Variants in FAM53B observed in about 807,000 individuals in gnomAD.
FAM53B encodes the protein protein FAM53B.
A neutral mutation model predicts 32.7 loss-of-function variants in FAM53B; 12 were observed. The ratio of observed to expected loss-of-function variants is 0.37; its 90% CI spans 0.24 to 0.59. FAM53B has a LOEUF of 0.59. Ranked by LOEUF, FAM53B falls within the 20% of genes least tolerant of loss-of-function variation. The probability of loss-of-function intolerance (pLI) is 0.72; values close to 1 mark genes in which losing one functional copy is unlikely to be tolerated. For synonymous variants in FAM53B, 234 were observed against 228.7 expected, an observed-to-expected ratio of 1.02 and a Z score of -0.21; for missense variants, 477 against 577.7, an observed-to-expected ratio of 0.83 and a Z score of 1.79.
chr10:124,723,161 C>T (rs1950079971), intron 1 of FAM53B, among the ~76,000 whole-genome samples: 2 of 152,216 alleles, frequency 1.3e-5, no homozygotes, highest in Non-Finnish European at 2.9e-5. Context: ...AGCAAGCTGC[C>T]ACCCCTACAG....
At chr10:124,639,973 C>A (rs1360460803) in intron 4 of FAM53B, among the ~76,000 whole-genome samples, 3 of 151,996 alleles carry the variant, frequency 2.0e-5, no homozygotes, top group Non-Finnish European at 2.9e-5. Flanking sequence ...TGTTCAAAGC[C>A]TGCACCCACC....
chr10:124,703,213 TA>T (rs1261620160), intron 2 of FAM53B, among the ~76,000 whole-genome samples: 2 of 152,124 alleles, frequency 1.3e-5, no homozygotes, highest in African/African-American at 2.4e-5. Context: ...CACACTCAGC[TA>T]ATTTTTTGTA....
chr10:124,683,342 A>C (rs1347091790), intron 3 of FAM53B, among the ~76,000 whole-genome samples: 1 of 152,244 alleles, frequency 6.6e-6, no homozygotes, highest in East Asian at 1.9e-4. Context: ...GCAAAGTTAC[A>C]AAATATGCCA....
intron 1 of FAM53B, among the ~76,000 whole-genome samples, chr10:124,716,326 G>A (rs1342380221): frequency 7.9e-5 from 12 of 152,176 alleles, no homozygotes; most frequent in Non-Finnish European, 1.0e-4. Context: ...AGTGGCCCAG[G>A]CTCGCCTATG....
chr10:124,684,468 T>C (rs1258200766), intron 3 of FAM53B, among the ~76,000 whole-genome samples: 1 of 152,158 alleles, frequency 6.6e-6, no homozygotes, highest in African/African-American at 2.4e-5. Context: ...ATTAAATCAG[T>C]TTCAACTTGA....
rs1460293177 is a variant in FAM53B, at chr10:124,621,689, TGAG to T, written c.*1550_*1552del. 1.3e-5 allele frequency: 2 copies of T among 152,300 alleles called. No individual in the cohort carries two copies. Among genetic ancestry groups the T allele is most frequent in the South Asian group, 2.1e-4 (1 of 4,826 alleles). 9.4% of individuals were successfully genotyped at this position (152,300 alleles called of 1,614,324 possible). A position where few individuals can be genotyped will look rare whatever the true frequency, so the allele number is the denominator to read the frequency against. Reference sequence around the variant, plus strand: ...AACGTTTCCCAAAAAGCATCTTTCTTGAGGAGAAAGAAGGTGAGAAGCATCTGG... The same window carrying T: ...AACGTTTCCCAAAAAGCATCTTTCTTGAGAAAGAAGGTGAGAAGCATCTGG... On this transcript the variant is annotated 3_prime_UTR_variant, in exon 5 of 5. Coordinates refer to ENST00000337318, the MANE Select transcript of FAM53B (RefSeq NM_014661.4).
intron 4 of FAM53B, among the ~76,000 whole-genome samples, chr10:124,626,744 T>C (rs1346840081): frequency 1.3e-5 from 2 of 152,228 alleles, no homozygotes; most frequent in East Asian, 3.9e-4. Flanking sequence ...ACCCATTAGC[T>C]AGACCTTTCA....
chr10:124,734,299 G>A (rs1950162113), intron 1 of FAM53B, among the ~76,000 whole-genome samples: 1 of 152,192 alleles, frequency 6.6e-6, no homozygotes, highest in African/African-American at 2.4e-5. Context: ...AGGGCCTGAC[G>A]ACTTGTCTGA....
chr10:124,653,393 C>G (rs545205807), intron 4 of FAM53B, among the ~76,000 whole-genome samples: 2 of 152,320 alleles, frequency 1.3e-5, no homozygotes, highest in African/African-American at 4.8e-5. Flanking sequence ...CGTGGGGACC[C>G]TGATGGACTC....
chr10:124,694,622 C>A (rs1036966711), intron 3 of FAM53B, among the ~76,000 whole-genome samples: 2 of 152,252 alleles, frequency 1.3e-5, no homozygotes, highest in Non-Finnish European at 2.9e-5. Flanking sequence ...CGGGGCCTCT[C>A]TCTTTCCCAG....
intron 4 of FAM53B, among the ~76,000 whole-genome samples, chr10:124,665,787 C>T (rs1949666994): frequency 6.6e-6 from 1 of 152,216 alleles, no homozygotes; most frequent in African/African-American, 2.4e-5. Context: ...ATCCCTGGTG[C>T]CTACAAGGGC....
chr10:124,725,616 C>T (rs1004951613), intron 1 of FAM53B, among the ~76,000 whole-genome samples: 1 of 152,172 alleles, frequency 6.6e-6, no homozygotes, highest in African/African-American at 2.4e-5. Context: ...ATCTGGGAAA[C>T]CAAAAGCTCA....
intron 4 of FAM53B, chr10:124,671,125 GCT>G (rs1443320762): frequency 2.2e-6 from 1 of 451,216 alleles, no homozygotes; most frequent in Non-Finnish European, 4.5e-6. Flanking sequence ...TGCTTCCTGT[GCT>G]GTCACCGTCA....
chr10:124,625,634 C>A (rs1297671520), intron 4 of FAM53B, among the ~76,000 whole-genome samples: 1 of 152,244 alleles, frequency 6.6e-6, no homozygotes, highest in Non-Finnish European at 1.5e-5. Context: ...CCAAAGCGAA[C>A]CTGCCGCTTG....
chr10:124,740,854 A>G (rs944220727), intron 1 of FAM53B, among the ~76,000 whole-genome samples: 1 of 152,160 alleles, frequency 6.6e-6, no homozygotes, highest in African/African-American at 2.4e-5. Context: ...CGGACGAGGC[A>G]AGGAGGAGGA....
At chr10:124,693,466 CAAAAA>C (rs60351967) in intron 3 of FAM53B, among the ~76,000 whole-genome samples, 2 of 94,792 alleles carry the variant, frequency 2.1e-5, no homozygotes, top group Admixed American at 1.2e-4. Flanking sequence ...GACTCTGTCT[CAAAAA>C]AAAAAAAAAA....
Position 124,700,999 on chromosome 10 carries a change from G to A in FAM53B, c.79-4787C>T, listed in dbSNP as rs80236564. ...GGAGGGAACAGCACCTTTGTGTGAA[G>A]ACTCTCAAAGATGCGGATAGAGATA... On this transcript the variant is annotated intron_variant, in intron 2 of 4. Transcript: ENST00000337318. Among the ~76,000 whole-genome samples, 665 of 152,346 alleles carry A rather than the reference G, an allele frequency of 4.4e-3. 29 individuals carry two copies. The East Asian group carries it at 0.09, about 21-fold the overall frequency.
At chr10:124,629,449 C>A (rs760987791) in intron 4 of FAM53B, among the ~76,000 whole-genome samples, 1 of 152,192 alleles carries the variant, frequency 6.6e-6, no homozygotes, top group East Asian at 1.9e-4. Context: ...TAGAGGTCTT[C>A]ATGGAGCTAC....
chr10:124,653,872 A>C (rs1949570410), intron 4 of FAM53B, among the ~76,000 whole-genome samples: 1 of 152,224 alleles, frequency 6.6e-6, no homozygotes, highest in South Asian at 2.1e-4. Context: ...TGCCAGCTGG[A>C]TTCTCCAGCT....
Sources: allele counts gnomAD v4.1 joint callset (sites outside exome capture counted in the v4.1 genomes callset), GRCh38; gene constraint gnomAD v4.1.1; transcripts MANE v1.5; gene names NCBI Gene and HGNC (gene_info 2026-07-23, HGNC 2026-07-21).